The following WDR64 variants were observed in gnomAD, a reference collection of about 807,000 sequenced individuals.
WDR64 encodes WD repeat-containing protein 64.
Under a neutral mutation model 139.3 loss-of-function variants are expected in WDR64, and 112 were observed. The observed-to-expected ratio is 0.80, with a 90% CI of 0.69 to 0.94. The LOEUF is 0.94. WDR64 is among the 40% of genes least tolerant of loss of function. The pLI, the probability that WDR64 is intolerant of heterozygous loss-of-function variation, is 0.00. For missense variants in WDR64, 1,206 were observed against 1,293.1 expected, an observed-to-expected ratio of 0.93 and a Z score of 1.03; for synonymous variants, 444 against 437.7, an observed-to-expected ratio of 1.01 and a Z score of -0.18.
At chr1:241,705,410 C>T (rs1031309672) in intron 8 of WDR64, among the ~76,000 whole-genome samples, 4 of 151,508 alleles carry the variant, frequency 2.6e-5, no homozygotes, top group Admixed American at 6.6e-5. Context: ...GGCATGGTGG[C>T]GGGCGCCTGT....
chr1:241,703,971 A>G lies in WDR64; in HGVS notation c.975-7831A>G, dbSNP rs1003808338. ...CGGGAGAAGCCGCCCCCATGAACCA[A>G]TCACCTCCCACTAGGTTCCTTCCTC... On this transcript the variant is annotated intron_variant, in intron 8 of 27. Transcript: ENST00000437684. This position sits in a 1 kb window ranked among gnomAD's most constrained non-coding sequence, Gnocchi z 5.9. Among the ~76,000 whole-genome samples, 1 of 152,184 alleles carries G rather than the reference A, an allele frequency of 6.6e-6. No homozygotes were observed. The highest frequency in any genetic ancestry group is 1.5e-5 in the Non-Finnish European group (1 of 68,030).
In WDR64 at chr1:241,772,811, G is replaced by C; in HGVS notation, c.2310G>C (p.Met770Ile). ...SEVKGEQTDV[M>I]VGKQQPMDKK... ...GAATAGGTGAACAAACAGATGTAATGGTGGGAAAGCAACAGCCAATGGACA... is the reference window on the plus strand; with the variant it reads ...GAATAGGTGAACAAACAGATGTAATCGTGGGAAAGCAACAGCCAATGGACA... The change falls in exon 20 of 28, where the codon ATG becomes ATC. Residue 770 changes from methionine to isoleucine, a missense_variant. Transcript: ENST00000437684. 1.3e-6 allele frequency: 2 copies of C among 1,551,818 alleles called. No individual in the cohort carries two copies. Among genetic ancestry groups the C allele is most frequent in the Non-Finnish European group, 1.7e-6 (2 of 1,147,026 alleles).
intron 2 of WDR64, among the ~76,000 whole-genome samples, chr1:241,667,725 C>G (rs1343249818): frequency 6.6e-6 from 1 of 152,124 alleles, no homozygotes; most frequent in Admixed American, 6.5e-5. Flanking sequence ...TCCCAATGAG[C>G]TTGGAAGTAG....
Position 241,725,399 on chromosome 1 carries a change from C to T in WDR64, c.1194+1963C>T, listed in dbSNP as rs71570906. Among the ~76,000 whole-genome samples the T allele has an allele frequency of 4.6e-5, 7 of 152,126 alleles. No individual in the cohort carries two copies. In the South Asian group the frequency reaches 6.2e-4, roughly 14 times the overall value. ...AAAGAAAAAAACCCGGTTGCTTTCC[C>T]TCCACGTCCCCCAGCCCCGCACCTC... On this transcript the variant is annotated intron_variant, in intron 10 of 27. Transcript: ENST00000437684.
chr1:241,677,306 T>G, intron 4 of WDR64: 1 of 398,418 alleles, frequency 2.5e-6, no homozygotes, highest in Non-Finnish European at 4.4e-6. Context: ...TACTCACCGG[T>G]TTTCTTACAG....
intron 21 of WDR64, among the ~76,000 whole-genome samples, chr1:241,779,404 T>C (rs965639315): frequency 6.6e-6 from 1 of 152,250 alleles, no homozygotes; most frequent in Non-Finnish European, 1.5e-5. Flanking sequence ...TGAGTATCTC[T>C]GTAAGAGTTT....
At chr1:241,757,259 G>T in intron 14 of WDR64, 24 bp from the exon 15 acceptor site, 1 of 1,598,732 alleles carries the variant, frequency 6.3e-7, no homozygotes. Flanking sequence ...AACTTTTCAT[G>T]CACTCACTGG....
chr1:241,697,616 A>C (rs1667544834), intron 8 of WDR64, among the ~76,000 whole-genome samples: 1 of 152,148 alleles, frequency 6.6e-6, no homozygotes, highest in African/African-American at 2.4e-5. Context: ...TATAATGCTC[A>C]AGTCTCTGTC....
Position 241,670,969 on chromosome 1 carries a change from G to A in WDR64, c.277-105G>A, listed in dbSNP as rs1186575090. 6 of 768,286 alleles carry A rather than the reference G, an allele frequency of 7.8e-6. No individual in the cohort carries two copies. In the South Asian group the frequency reaches 1.1e-4, roughly 14 times the overall value. 47.6% of individuals were successfully genotyped at this position (768,286 alleles called of 1,614,324 possible). A position where few individuals can be genotyped will look rare whatever the true frequency, so the allele number is the denominator to read the frequency against. On this transcript the variant is annotated intron_variant, in intron 2 of 27. Coordinates refer to ENST00000437684, the MANE Select transcript of WDR64 (RefSeq NM_001367482.1). ...CTGACATTCACAAAGCAGGGTGCTG[G>A]CTGTTAATCCTAACTAGCTTTAAAT...
chr1:241,775,063 A>G, intron 20 of WDR64, 42 bp from the exon 21 acceptor site: 1 of 1,443,820 alleles, frequency 6.9e-7, no homozygotes, highest in Non-Finnish European at 9.4e-7. Flanking sequence ...TATAAGACTT[A>G]CTAGCAAAGA....
intron 23 of WDR64, among the ~76,000 whole-genome samples, chr1:241,784,897 T>C (rs985966677): frequency 7.6e-6 from 1 of 132,404 alleles, no homozygotes; most frequent in Non-Finnish European, 1.5e-5. Flanking sequence ...GAGATTGTAG[T>C]GAGCCGAGAT....
intron 5 of WDR64, among the ~76,000 whole-genome samples, 161 bp downstream of exon 5, chr1:241,678,377 T>C (rs979658745): frequency 2.0e-5 from 3 of 152,172 alleles, no homozygotes. Context: ...ACCTAAGCCT[T>C]GAGCAACAGC....
intron 2 of WDR64, among the ~76,000 whole-genome samples, chr1:241,666,560 T>C (rs1468305056): frequency 6.6e-6 from 1 of 152,244 alleles, no homozygotes; most frequent in Non-Finnish European, 1.5e-5. Flanking sequence ...TTATCAAATA[T>C]ATGCATGCTA....
intron 27 of WDR64, 54 bp downstream of exon 27, chr1:241,796,424 G>T: frequency 3.3e-6 from 4 of 1,201,940 alleles, no homozygotes; most frequent in South Asian, 1.4e-5. Flanking sequence ...TCCTATTTCT[G>T]TTTGTTTTTT....
chr1:241,679,540 C>T lies in WDR64; in HGVS notation c.569C>T (p.Ala190Val). Residue 190 changes from alanine to valine, a missense_variant, in exon 6 of 28, where the codon GCC (alanine) becomes GTC (valine). Coordinates refer to ENST00000437684, the MANE Select transcript of WDR64 (RefSeq NM_001367482.1). ...CTCTTGCAGCTGAAACGAATCGTAG[C>T]CACAACCGAAAGGACCATTATTGTC... ...DYLLQLKRIV[A>V]TTERTIIVWD... 6.4e-7 allele frequency: 1 copy of T among 1,551,888 alleles called. No individual in the cohort carries two copies. Among genetic ancestry groups the T allele is most frequent in the Non-Finnish European group, 8.7e-7 (1 of 1,146,952 alleles).
At chr1:241,732,967 C>T (rs1669147687) in intron 10 of WDR64, among the ~76,000 whole-genome samples, 1 of 152,184 alleles carries the variant, frequency 6.6e-6, no homozygotes, top group South Asian at 2.1e-4. Flanking sequence ...CGGGTACACA[C>T]ATGTATATAT....
chr1:241,669,524 A>G (rs751797679), intron 2 of WDR64, among the ~76,000 whole-genome samples: 6 of 152,222 alleles, frequency 3.9e-5, no homozygotes, highest in Non-Finnish European at 5.9e-5. Flanking sequence ...ATTTCTGAGA[A>G]GATAATAAGC....
At chr1:241,694,832 T>C (rs1269610535) in intron 8 of WDR64, among the ~76,000 whole-genome samples, 1 of 152,218 alleles carries the variant, frequency 6.6e-6, no homozygotes, top group Admixed American at 6.5e-5. Context: ...ACAGGTCATA[T>C]ATAGCTTTTA....
At chr1:241,693,190 C>T (rs1276534937) in intron 8 of WDR64, among the ~76,000 whole-genome samples, 2 of 152,158 alleles carry the variant, frequency 1.3e-5, no homozygotes, top group Admixed American at 6.5e-5. Flanking sequence ...AATGGATACA[C>T]AGACTCTGGT....
Sources: allele counts gnomAD v4.1 joint callset (sites outside exome capture counted in the v4.1 genomes callset), GRCh38; gene constraint gnomAD v4.1.1; non-coding constraint Gnocchi (gnomAD v3.1); transcripts MANE v1.5; gene names NCBI Gene and HGNC (gene_info 2026-07-23, HGNC 2026-07-21).